Variants in UGCG observed in about 807,000 individuals in gnomAD.
UGCG encodes UDP-glucose ceramide glucosyltransferase.
In UGCG, 10 loss-of-function variants were observed where a neutral mutation model predicts 49.5. That is an observed-to-expected ratio of 0.20 (90% CI 0.12 to 0.34). The LOEUF is 0.34. Ranked by LOEUF, UGCG falls within the 10% of genes least tolerant of loss-of-function variation. UGCG has a pLI of 1.00. For missense variants in UGCG, 312 were observed against 483.7 expected (o/e 0.65, Z 3.33); for synonymous variants, 182 against 158.2 (o/e 1.15, Z -1.13).
intron 1 of UGCG, among the ~76,000 whole-genome samples, chr9:111,898,288 T>TG (rs35791118): frequency 1.3e-5 from 2 of 152,030 alleles, no homozygotes; most frequent in Non-Finnish European, 2.9e-5. Flanking sequence ...ATTTTTAGTC[T>TG]GGGGGGAGAA....
rs1838480289 is a variant in UGCG, at chr9:111,934,433, C to A, written c.*1436C>A. The A allele has an allele frequency of 6.6e-6, 1 of 151,272 alleles. No individual in the cohort carries two copies. Among genetic ancestry groups the A allele is most frequent in the African/African-American group, 2.4e-5 (1 of 41,182 alleles). 9.4% of individuals were successfully genotyped at this position (151,272 alleles called of 1,614,324 possible). ...GTTAAGTAGTGGTGTTTTGCTTTTT[C>A]TTCAGGATTGGATGGCATGTTGTCC... On this transcript the variant is annotated 3_prime_UTR_variant, in exon 9 of 9. Coordinates refer to ENST00000374279, the MANE Select transcript of UGCG (RefSeq NM_003358.3).
chr9:111,897,185 AGCGGGCCGGGCCGGTCCG>A lies in UGCG; in HGVS notation c.-20_-3del, dbSNP rs749525721. 29 of 1,525,940 alleles carry A rather than the reference AGCGGGCCGGGCCGGTCCG, an allele frequency of 1.9e-5. No homozygotes were observed. The highest frequency in any genetic ancestry group is 1.1e-4 in the African/African-American group (8 of 71,926). 94.5% of individuals were successfully genotyped at this position (1,525,940 alleles called of 1,614,324 possible). A position where few individuals can be genotyped will look rare whatever the true frequency, so the allele number is the denominator to read the frequency against. On this transcript the variant is annotated 5_prime_UTR_variant, in exon 1 of 9. Coordinates refer to ENST00000374279, the MANE Select transcript of UGCG (RefSeq NM_003358.3). ...GAGCGTTGTCCGTGTTGGCGGCCGC[AGCGGGCCGGGCCGGTCCG>A]GCGGGCCGGGGGATGGCGCTGCTGG...
chr9:111,924,952 A>T (rs1838291533), intron 4 of UGCG, 74 bp downstream of exon 4: 2 of 823,784 alleles, frequency 2.4e-6, no homozygotes, highest in Non-Finnish European at 1.7e-6. Context: ...TCTCAGATAC[A>T]TTCATGAGTT....
At chr9:111,907,463 G>A (rs1050361844) in intron 1 of UGCG, among the ~76,000 whole-genome samples, 2 of 151,948 alleles carry the variant, frequency 1.3e-5, no homozygotes, top group African/African-American at 2.4e-5. Context: ...ATCCCGGTGG[G>A]GTTTTAATTT....
chr9:111,910,742 T>TTTTTTG (rs74412718), intron 1 of UGCG, among the ~76,000 whole-genome samples: 5 of 152,154 alleles, frequency 3.3e-5, no homozygotes, highest in African/African-American at 9.7e-5. Flanking sequence ...GACTTTTTTC[T>TTTTTTG]TTTTTGTTTT....
Position 111,924,891 on chromosome 9 carries a change from T to C in UGCG, c.445+13T>C, listed in dbSNP as rs772931735. 191 of 1,400,744 alleles carry C rather than the reference T, an allele frequency of 1.4e-4. No homozygotes were observed. The highest frequency in any genetic ancestry group is 1.6e-4 in the Non-Finnish European group (168 of 1,057,274). The allele number at this position is 1,400,744 out of a possible 1,614,324, so 86.8% of individuals were successfully genotyped here. A position where few individuals can be genotyped will look rare whatever the true frequency, so the allele number is the denominator to read the frequency against. On this transcript the variant is annotated intron_variant, in intron 4 of 8. Coordinates refer to ENST00000374279, the MANE Select transcript of UGCG (RefSeq NM_003358.3). ...AGTGGAATAAGAGGTGAGGTTTTTTTCTTATTTATTTTATAAAACTATTAA... is the reference window on the plus strand; with the variant it reads ...AGTGGAATAAGAGGTGAGGTTTTTTCCTTATTTATTTTATAAAACTATTAA...
chr9:111,915,327 A>T (rs1006419759), intron 2 of UGCG, among the ~76,000 whole-genome samples: 2 of 152,136 alleles, frequency 1.3e-5, no homozygotes, highest in African/African-American at 4.8e-5. Context: ...TTAATTGGAG[A>T]CCTTCCAGTT....
chr9:111,925,628 GTATT>G (rs1305431773), intron 4 of UGCG, among the ~76,000 whole-genome samples: 2 of 152,188 alleles, frequency 1.3e-5, no homozygotes, highest in African/African-American at 4.8e-5. Flanking sequence ...CCTAGAATGA[GTATT>G]TAAGGTCCAA....
intron 7 of UGCG, 26 bp from the exon 8 acceptor site, chr9:111,932,144 A>G (rs369282385): frequency 5.0e-6 from 8 of 1,608,572 alleles, no homozygotes; most frequent in Non-Finnish European, 6.0e-6. Context: ...ATATTGTTTT[A>G]AAGAAAATCC....
intron 2 of UGCG, among the ~76,000 whole-genome samples, chr9:111,918,476 C>T (rs1220266443): frequency 6.6e-6 from 1 of 152,178 alleles, no homozygotes; most frequent in Non-Finnish European, 1.5e-5. Flanking sequence ...AATGCTGCCT[C>T]CAATTTGGTG....
chr9:111,907,313 C>G (rs189842244), intron 1 of UGCG, among the ~76,000 whole-genome samples: 1 of 152,300 alleles, frequency 6.6e-6, no homozygotes. Flanking sequence ...TGAGAACCAC[C>G]TCTCCTATTA....
chr9:111,914,473 T>C, intron 1 of UGCG, 132 bp from the exon 2 acceptor site: 1 of 882,062 alleles, frequency 1.1e-6, no homozygotes, highest in Non-Finnish European at 1.7e-6. Flanking sequence ...CATGTTTAGA[T>C]CCTCTTTTAG....
At chr9:111,927,077 G>A (rs1383322501) in intron 5 of UGCG, among the ~76,000 whole-genome samples, 2 of 151,690 alleles carry the variant, frequency 1.3e-5, no homozygotes, top group Non-Finnish European at 2.9e-5. Context: ...CACCGTGTTG[G>A]CCAGGCCGGC....
At chr9:111,899,826 TAG>T (rs1378683198) in intron 1 of UGCG, among the ~76,000 whole-genome samples, 2 of 152,204 alleles carry the variant, frequency 1.3e-5, no homozygotes, top group East Asian at 3.8e-4. Flanking sequence ...TCTAAATATT[TAG>T]AGACTTGTCC....
intron 5 of UGCG, among the ~76,000 whole-genome samples, chr9:111,927,084 C>T (rs892607220): frequency 2.6e-5 from 4 of 151,736 alleles, no homozygotes; most frequent in East Asian, 1.9e-4. Flanking sequence ...TTGGCCAGGC[C>T]GGCCTCAAAC....
At chr9:111,919,652 G>A (rs1281326183) in intron 2 of UGCG, among the ~76,000 whole-genome samples, 13 of 149,464 alleles carry the variant, frequency 8.7e-5, no homozygotes, top group Admixed American at 7.4e-4. Flanking sequence ...AAAATTAGCC[G>A]GGCGTGGTGG....
rs1025273340 is a variant in UGCG, at chr9:111,922,469, T to A, written c.241-380T>A. Among the ~76,000 whole-genome samples the A allele has an allele frequency of 2.6e-5, 4 of 152,208 alleles. No individual in the cohort carries two copies. The South Asian group carries it at 8.3e-4, about 32-fold the overall frequency. On this transcript the variant is annotated intron_variant, in intron 2 of 8. Coordinates refer to ENST00000374279, the MANE Select transcript of UGCG (RefSeq NM_003358.3). ...AGGTTGTGTTTATTTTGCTTCCTTT[T>A]GATGTCACTTTTTACTCTGCTAGGC...
At chr9:111,902,726 A>G (rs1174126765) in intron 1 of UGCG, among the ~76,000 whole-genome samples, 2 of 152,152 alleles carry the variant, frequency 1.3e-5, no homozygotes, top group African/African-American at 4.8e-5. Flanking sequence ...AGCAAGGTGA[A>G]CTTTTGCCCT....
chr9:111,904,888 GC>G (rs1837851201), intron 1 of UGCG, among the ~76,000 whole-genome samples: 1 of 151,982 alleles, frequency 6.6e-6, no homozygotes, highest in Admixed American at 6.6e-5. Context: ...CAACTAGAGA[GC>G]CAAGGCGGGG....
Sources: allele counts gnomAD v4.1 joint callset (sites outside exome capture counted in the v4.1 genomes callset), GRCh38; gene constraint gnomAD v4.1.1; transcripts MANE v1.5; gene names NCBI Gene and HGNC (gene_info 2026-07-23, HGNC 2026-07-21).